OLA1: variants seen among roughly 807,000 people sequenced by gnomAD.
OLA1 encodes obg-like ATPase 1.
A neutral mutation model predicts 48.4 loss-of-function variants in OLA1; 14 were observed. The ratio of observed to expected loss-of-function variants is 0.29; its 90% CI spans 0.19 to 0.45. The LOEUF (loss-of-function observed/expected upper bound fraction) is 0.45. Among genes scored for constraint, OLA1 ranks in the 20% least tolerant of loss-of-function variants. The pLI is 1.00. For missense variants in OLA1, 325 were observed against 467.1 expected, an observed-to-expected ratio of 0.70 and a Z score of 2.80; for synonymous variants, 127 against 150.4, an observed-to-expected ratio of 0.84 and a Z score of 1.14.
At chr2:174,212,378 A>G (rs1370711598) in intron 4 of OLA1, among the ~76,000 whole-genome samples, 1 of 152,252 alleles carries the variant, frequency 6.6e-6, no homozygotes, top group Non-Finnish European at 1.5e-5. Context: ...CATGAATGAA[A>G]CTTACAGACT....
intron 7 of OLA1, among the ~76,000 whole-genome samples, chr2:174,105,058 T>C (rs1306701203): frequency 6.6e-6 from 1 of 152,012 alleles, no homozygotes; most frequent in Non-Finnish European, 1.5e-5. Context: ...AATTAAATGA[T>C]GTTAACCACA....
intron 9 of OLA1, chr2:174,079,448 T>C (rs1424818868): frequency 1.3e-5 from 2 of 156,812 alleles, no homozygotes; most frequent in Non-Finnish European, 2.8e-5. Flanking sequence ...TCAAAGGTTT[T>C]AAAAAGATAA....
At chr2:174,087,019 CTTTCTTTT>C (rs982630239) in intron 7 of OLA1, among the ~76,000 whole-genome samples, 5 of 150,820 alleles carry the variant, frequency 3.3e-5, no homozygotes, top group African/African-American at 1.2e-4. Context: ...ATTGTATATT[CTTTCTTTT>C]TTTCTTTTTT....
intron 7 of OLA1, among the ~76,000 whole-genome samples, chr2:174,101,464 C>T (rs1685396978): frequency 6.6e-6 from 1 of 152,166 alleles, no homozygotes; most frequent in Non-Finnish European, 1.5e-5. Flanking sequence ...CTGGTGGCTA[C>T]TCTACTTAAT....
chr2:174,189,049 A>C (rs1687718244), intron 4 of OLA1, among the ~76,000 whole-genome samples: 1 of 152,174 alleles, frequency 6.6e-6, no homozygotes, highest in African/African-American at 2.4e-5. Flanking sequence ...GAAATGGCCT[A>C]AATACTCATA....
At chr2:174,246,171 G>A (rs911920049) in intron 2 of OLA1, among the ~76,000 whole-genome samples, 5 of 150,528 alleles carry the variant, frequency 3.3e-5, no homozygotes, top group Admixed American at 6.6e-5. Context: ...GTGGTGGTGC[G>A]CGCCTGTAAT....
intron 5 of OLA1, among the ~76,000 whole-genome samples, chr2:174,140,552 G>A (rs912996352): frequency 6.6e-5 from 10 of 151,868 alleles, no homozygotes; most frequent in African/African-American, 2.2e-4. Context: ...ATTTTTAGTC[G>A]AGATGGGGTT....
chr2:174,081,787 C>A, intron 8 of OLA1, 137 bp downstream of exon 8: 1 of 821,632 alleles, frequency 1.2e-6, no homozygotes, highest in Admixed American at 2.5e-5. Context: ...CACTCTGTCT[C>A]ATGGTAAAGA....
At chr2:174,133,054 T>A (rs1002746083) in intron 5 of OLA1, among the ~76,000 whole-genome samples, 1 of 152,208 alleles carries the variant, frequency 6.6e-6, no homozygotes, top group Non-Finnish European at 1.5e-5. Context: ...TGCCTCCTAG[T>A]ATACTGAACA....
intron 3 of OLA1, among the ~76,000 whole-genome samples, chr2:174,226,712 T>C (rs988193358): frequency 2.6e-5 from 4 of 152,198 alleles, no homozygotes; most frequent in African/African-American, 9.6e-5. Flanking sequence ...TTAGTCAGGC[T>C]GGTCTTGAAC....
intron 4 of OLA1, among the ~76,000 whole-genome samples, chr2:174,168,793 C>A (rs958171845): frequency 7.1e-6 from 1 of 141,400 alleles, no homozygotes; most frequent in Non-Finnish European, 1.5e-5. Flanking sequence ...ATCTATCTAT[C>A]TATCTATCTA....
intron 4 of OLA1, among the ~76,000 whole-genome samples, chr2:174,150,167 A>C (rs1686710510): frequency 6.6e-6 from 1 of 152,236 alleles, no homozygotes; most frequent in Admixed American, 6.5e-5. Context: ...CTGGGTCATG[A>C]GGGCTCTGCC....
At chr2:174,210,812 G>A (rs1688223141) in intron 4 of OLA1, among the ~76,000 whole-genome samples, 1 of 152,084 alleles carries the variant, frequency 6.6e-6, no homozygotes, top group South Asian at 2.1e-4. Flanking sequence ...AAAACAACTG[G>A]TATAAAGACA....
chr2:174,248,044 A>C, intron 1 of OLA1: 1 of 314,180 alleles, frequency 3.2e-6, no homozygotes, highest in Non-Finnish European at 6.0e-6. Context: ...CCCGAGGGCC[A>C]GGAATTTCCC....
chr2:174,193,026 T>C (rs1329888300), intron 4 of OLA1, among the ~76,000 whole-genome samples: 3 of 152,206 alleles, frequency 2.0e-5, no homozygotes, highest in Admixed American at 6.6e-5. Flanking sequence ...TTTGGACCTA[T>C]GGTTTTGTGT....
At chr2:174,143,687 A>G (rs964944454) in intron 4 of OLA1, among the ~76,000 whole-genome samples, 2 of 152,250 alleles carry the variant, frequency 1.3e-5, no homozygotes, top group African/African-American at 4.8e-5. Flanking sequence ...AGAGAAACTT[A>G]GTAACTGCAA....
intron 4 of OLA1, among the ~76,000 whole-genome samples, chr2:174,169,647 T>C (rs917034932): frequency 6.6e-6 from 1 of 152,184 alleles, no homozygotes; most frequent in Non-Finnish European, 1.5e-5. Flanking sequence ...CCAACAGCCC[T>C]GCGCTATAAT....
intron 4 of OLA1, among the ~76,000 whole-genome samples, chr2:174,174,268 T>C (rs1027029655): frequency 1.5e-5 from 2 of 133,488 alleles, no homozygotes; most frequent in African/African-American, 2.9e-5. Context: ...TTAATACAGA[T>C]GTAAAAATCC....
intron 7 of OLA1, among the ~76,000 whole-genome samples, chr2:174,085,434 C>T (rs2105342011): frequency 6.6e-6 from 1 of 152,254 alleles, no homozygotes; most frequent in Non-Finnish European, 1.5e-5. Flanking sequence ...GTTGTGCGCT[C>T]CTTACAAGAA....
Sources: gnomAD v4.1 joint callset for allele counts (sites outside exome capture counted in the v4.1 genomes callset) on GRCh38, gnomAD v4.1.1 for gene constraint, MANE v1.5 for transcripts, NCBI Gene and HGNC (gene_info 2026-07-23, HGNC 2026-07-21) for gene names.